The following RABGAP1 variants were observed in gnomAD, a reference collection of about 807,000 sequenced individuals.
RABGAP1 encodes the protein RAB GTPase activating protein 1.
In RABGAP1, 23 loss-of-function variants were observed where a neutral mutation model predicts 137.6. The observed-to-expected ratio is 0.17, with a 90% CI of 0.12 to 0.24. RABGAP1 has a LOEUF of 0.24. RABGAP1 is among the 10% of genes least tolerant of loss of function. The probability of loss-of-function intolerance (pLI) is 1.00; values close to 1 mark genes in which losing one functional copy is unlikely to be tolerated. For missense variants in RABGAP1, 906 were observed against 1,275.8 expected, an observed-to-expected ratio of 0.71 and a Z score of 4.42; for synonymous variants, 451 against 450.7, an observed-to-expected ratio of 1.00 and a Z score of -0.01.
chr9:123,005,469 GT>G (rs377235268), intron 10 of RABGAP1, among the ~76,000 whole-genome samples: 156 of 152,152 alleles, frequency 1.0e-3, no homozygotes, highest in African/African-American at 3.6e-3. Context: ...ATAAAATTCT[GT>G]ATATTTTTAA....
At chr9:123,040,130 AG>A (rs2032881115) in intron 13 of RABGAP1, among the ~76,000 whole-genome samples, 1 of 152,146 alleles carries the variant, frequency 6.6e-6, no homozygotes, top group Non-Finnish European at 1.5e-5. Context: ...TATAGTCTTT[AG>A]GTGTTTCTTG....
At chr9:123,040,464 C>A (rs988986710) in intron 13 of RABGAP1, among the ~76,000 whole-genome samples, 3 of 152,012 alleles carry the variant, frequency 2.0e-5, no homozygotes, top group African/African-American at 7.2e-5. Flanking sequence ...TGAAATCATC[C>A]CTGCTTCCAT....
At chr9:123,100,482 GCGCC>G (rs1564194817) in intron 24 of RABGAP1, among the ~76,000 whole-genome samples, 1 of 151,226 alleles carries the variant, frequency 6.6e-6, no homozygotes, top group Non-Finnish European at 1.5e-5. Flanking sequence ...GAGTGCAGTG[GCGCC>G]ATCTCGGCTC....
intron 2 of RABGAP1, among the ~76,000 whole-genome samples, chr9:122,965,445 G>A (rs1435859377): frequency 2.0e-5 from 3 of 152,052 alleles, no homozygotes; most frequent in East Asian, 3.9e-4. Context: ...GTGCAGTGGC[G>A]TGATCTCAAC....
At chr9:123,001,104 T>C (rs1837304048) in intron 10 of RABGAP1, among the ~76,000 whole-genome samples, 1 of 152,134 alleles carries the variant, frequency 6.6e-6, no homozygotes, top group South Asian at 2.1e-4. Context: ...TGCCTCGGCC[T>C]CCCAAAGTGC....
rs367839134 is a variant in RABGAP1 at position 123,076,614 on chromosome 9, G to A, written c.2296-20G>A. On this transcript the variant is annotated intron_variant, in intron 18 of 25. Transcript: ENST00000373647. ...TTATAGCAACACATTTTTTCTATATGTGTTTGTATTTTCTTCAAGACTTCG... is the reference window on the plus strand; with the variant it reads ...TTATAGCAACACATTTTTTCTATATATGTTTGTATTTTCTTCAAGACTTCG... 1.3e-5 allele frequency: 21 copies of A among 1,580,498 alleles called. No homozygotes were observed. In the African/African-American group the frequency reaches 2.6e-4, roughly 20 times the overall value.
intron 2 of RABGAP1, among the ~76,000 whole-genome samples, chr9:122,962,420 C>G (rs143453503): frequency 7.6e-4 from 115 of 151,800 alleles, no homozygotes; most frequent in African/African-American, 2.8e-3. Context: ...ACTTGGGAGG[C>G]TGAGGTGGGA....
At chr9:122,942,723 T>G (rs1833671093) in intron 1 of RABGAP1, among the ~76,000 whole-genome samples, 1 of 150,372 alleles carries the variant, frequency 6.7e-6, no homozygotes, top group Non-Finnish European at 1.5e-5. Context: ...GAAGTCTTTA[T>G]AAATCTTCCT....
At chr9:122,934,567 A>G in the RABGAP1 span, among the ~76,000 whole-genome samples, 2 of 151,906 alleles carry the variant, frequency 1.3e-5, no homozygotes, top group African/African-American at 4.8e-5. Context: ...TAGTGGCATG[A>G]TCACAGCTCA....
At chr9:122,994,682 C>A (rs758276724) in intron 6 of RABGAP1, among the ~76,000 whole-genome samples, 1 of 152,102 alleles carries the variant, frequency 6.6e-6, no homozygotes, top group Non-Finnish European at 1.5e-5. Context: ...GGTTCTATTG[C>A]CATTATCTTA....
chr9:122,985,177 G>T (rs1417984440), intron 3 of RABGAP1, among the ~76,000 whole-genome samples: 1 of 152,028 alleles, frequency 6.6e-6, no homozygotes, highest in East Asian at 1.9e-4. Context: ...GGGAGGAGAA[G>T]GACAACTTAA....
chr9:122,963,276 C>T (rs1363098550), intron 2 of RABGAP1, among the ~76,000 whole-genome samples: 2 of 152,092 alleles, frequency 1.3e-5, no homozygotes, highest in Non-Finnish European at 2.9e-5. Context: ...TTATAATATA[C>T]TGCTTTCAAT....
intron 2 of RABGAP1, among the ~76,000 whole-genome samples, chr9:122,958,534 G>T (rs1834665800): frequency 6.6e-6 from 1 of 152,074 alleles, no homozygotes; most frequent in African/African-American, 2.4e-5. Context: ...ACACACAGGG[G>T]CCTGTCGTGG....
chr9:122,989,996 T>G (rs1055823215), intron 5 of RABGAP1, 60 bp from the exon 6 acceptor site: 4 of 1,446,546 alleles, frequency 2.8e-6, no homozygotes, highest in Non-Finnish European at 3.8e-6. Context: ...TCTTCCAGCC[T>G]TAATAAAGGT....
At chr9:122,970,717 C>T (rs1260863577) in intron 2 of RABGAP1, among the ~76,000 whole-genome samples, 2 of 152,158 alleles carry the variant, frequency 1.3e-5, no homozygotes, top group Admixed American at 6.6e-5. Flanking sequence ...CTATTCCACC[C>T]CAAAACTCCA....
intron 2 of RABGAP1, among the ~76,000 whole-genome samples, chr9:122,957,946 C>T (rs904687078): frequency 6.6e-6 from 1 of 150,844 alleles, no homozygotes. Context: ...TGCTCAACAG[C>T]ATCTCTCTCT....
intron 18 of RABGAP1, 33 bp from the exon 19 acceptor site, chr9:123,076,601 A>AT: frequency 1.3e-6 from 2 of 1,569,424 alleles, no homozygotes; most frequent in South Asian, 1.2e-5. Context: ...ATAGCAACAC[A>AT]TTTTTTCTAT....
chr9:122,974,010 C>A (rs803359), intron 2 of RABGAP1, among the ~76,000 whole-genome samples: 145,892 of 150,034 alleles, frequency 0.97, 70,987 homozygotes, highest in South Asian at 1. Flanking sequence ...CGTCTCAAAC[C>A]AAAAAAAAAA....
At chr9:123,092,496 T>C (rs917718479) in intron 21 of RABGAP1, among the ~76,000 whole-genome samples, 1 of 152,132 alleles carries the variant, frequency 6.6e-6, no homozygotes, top group African/African-American at 2.4e-5. Context: ...CTATAAAACT[T>C]GAGATTCAGT....
Sources: allele counts gnomAD v4.1 joint callset (sites outside exome capture counted in the v4.1 genomes callset), GRCh38; gene constraint gnomAD v4.1.1; transcripts MANE v1.5; gene names NCBI Gene and HGNC (gene_info 2026-07-23, HGNC 2026-07-21).